SOX5: variants seen among roughly 807,000 people sequenced by gnomAD.
SOX5 encodes SRY-box transcription factor 5, also known as transcription factor SOX-5.
SOX5 carries 9 observed loss-of-function variants against 92.0 expected under a neutral mutation model. The observed-to-expected ratio is 0.10, with a 90% CI of 0.06 to 0.17. The LOEUF (loss-of-function observed/expected upper bound fraction) is 0.17, where lower values mean the gene tolerates loss of function less well. Ranked by LOEUF, SOX5 falls within the 10% of genes least tolerant of loss-of-function variation. The pLI is 1.00. For missense variants in SOX5, 642 were observed against 944.5 expected (o/e 0.68, Z 4.20); for synonymous variants, 344 against 336.3 (o/e 1.02, Z -0.25).
At chr12:24,214,262 G>C (rs1051183345) in intron 3 of SOX5, among the ~76,000 whole-genome samples, 21 of 151,990 alleles carry the variant, frequency 1.4e-4, no homozygotes, top group Non-Finnish European at 2.2e-4. Flanking sequence ...TCTATAAGTA[G>C]TCACTTTATC....
intron 9 of SOX5, among the ~76,000 whole-genome samples, chr12:23,600,270 T>G (rs376831359): frequency 2.0e-5 from 3 of 151,976 alleles, no homozygotes; most frequent in African/African-American, 7.2e-5. Context: ...GCCATAAACA[T>G]AGCTGTTAGG....
At chr12:23,989,197 A>G (rs1193579453) in intron 4 of SOX5, among the ~76,000 whole-genome samples, 1 of 136,942 alleles carries the variant, frequency 7.3e-6, no homozygotes, top group Non-Finnish European at 1.5e-5. Flanking sequence ...ACATGGCAAA[A>G]CCCTGTCTCT....
intron 3 of SOX5, among the ~76,000 whole-genome samples, chr12:23,779,814 T>TACACAC (rs1555337311): frequency 0.037 from 4,148 of 110,636 alleles, 125 homozygotes; most frequent in Admixed American, 0.064. Context: ...TATATATATA[T>TACACAC]ACACACACAC....
rs1942638575 is a variant in SOX5, at chr12:24,453,704, A to G, written c.-250-85065T>C. The stretch of plus-strand genomic sequence containing the variant: ...CACTCCTACATCCAGCAGCTAGGAA[A>G]GAGAGCCAATTTCTGGTAAATGGAT... On this transcript the variant is annotated intron_variant, in intron 1 of 4. Coordinates refer to the SOX5 transcript ENST00000446891. Among the ~76,000 whole-genome samples the G allele has an allele frequency of 3.9e-5, 6 of 152,340 alleles. No homozygotes were observed. In the South Asian group the frequency reaches 1.2e-3, roughly 32 times the overall value.
At chr12:23,701,099 T>G (rs2140205810) in intron 6 of SOX5, among the ~76,000 whole-genome samples, 1 of 152,130 alleles carries the variant, frequency 6.6e-6, no homozygotes, top group South Asian at 2.1e-4. Flanking sequence ...ACCAATAGAT[T>G]TTTGAATTAC....
intron 4 of SOX5, among the ~76,000 whole-genome samples, chr12:23,747,976 AC>A (rs1325047984): frequency 6.6e-6 from 1 of 151,050 alleles, no homozygotes; most frequent in African/African-American, 2.4e-5. Context: ...AAAAAAAAAA[AC>A]GAATACAATC....
intron 4 of SOX5, among the ~76,000 whole-genome samples, chr12:24,036,538 T>C (rs907154369): frequency 6.6e-6 from 1 of 152,186 alleles, no homozygotes; most frequent in Admixed American, 6.5e-5. Flanking sequence ...ATTATATTTT[T>C]ATGGAACTAA....
chr12:24,454,230 A>T (rs1942724488), intron 1 of SOX5, among the ~76,000 whole-genome samples: 1 of 152,224 alleles, frequency 6.6e-6, no homozygotes, highest in African/African-American at 2.4e-5. Context: ...GAGAGAATAG[A>T]GATTGTCTTG....
intron 3 of SOX5, among the ~76,000 whole-genome samples, chr12:23,828,811 A>G (rs1456195864): frequency 1.3e-5 from 2 of 152,142 alleles, no homozygotes; most frequent in Non-Finnish European, 2.9e-5. Flanking sequence ...CTAAGCCTCC[A>G]AAGTTGGTCA....
chr12:23,634,101 T>A (rs977884637), intron 8 of SOX5, among the ~76,000 whole-genome samples: 1 of 152,258 alleles, frequency 6.6e-6, no homozygotes, highest in South Asian at 2.1e-4. Flanking sequence ...CTGCTTTTTT[T>A]AATTAAAAAT....
At chr12:24,296,926 G>GAC (rs1227672744) in intron 2 of SOX5, among the ~76,000 whole-genome samples, 3 of 92,402 alleles carry the variant, frequency 3.2e-5, no homozygotes, top group African/African-American at 7.6e-5. Context: ...TACATAGACA[G>GAC]ACAGACACAC....
chr12:23,896,003 G>C lies in SOX5; in HGVS notation c.60C>G (p.Ala20=), dbSNP rs1428357336. ...EFERMSSKRP[A]SPYGEADGEV... ...CTCCATCTGCTTCCCCATACGGAGA[G>C]GCTGGTCGCTTGGAAGACATCCTGG... The change falls in exon 2 of 15, where the codon GCC becomes GCG. Residue 20 remains alanine (A), a synonymous_variant. Transcript: ENST00000451604. The C allele has an allele frequency of 1.2e-6, 2 of 1,613,554 alleles. No homozygotes were observed. Among genetic ancestry groups the C allele is most frequent in the African/African-American group, 2.7e-5 (2 of 74,900 alleles).
At chr12:23,700,309 T>C (rs2090450203) in intron 6 of SOX5, among the ~76,000 whole-genome samples, 1 of 152,160 alleles carries the variant, frequency 6.6e-6, no homozygotes, top group African/African-American at 2.4e-5. Flanking sequence ...CTAATGTTGC[T>C]GTAAGAATTT....
At chr12:24,094,509 T>A (rs191581785) in intron 4 of SOX5, among the ~76,000 whole-genome samples, 41 of 150,388 alleles carry the variant, frequency 2.7e-4, no homozygotes, top group Admixed American at 2.3e-3. Context: ...GTAGAAAATA[T>A]CATTTACAAA....
intron 1 of SOX5, among the ~76,000 whole-genome samples, chr12:23,931,217 T>G (rs957612858): frequency 2.6e-5 from 4 of 151,816 alleles, no homozygotes; most frequent in African/African-American, 9.7e-5. Flanking sequence ...TATTGACAAT[T>G]CATCATCAAG....
At chr12:24,243,757 A>C (rs1937978380) in intron 3 of SOX5, among the ~76,000 whole-genome samples, 1 of 152,144 alleles carries the variant, frequency 6.6e-6, no homozygotes, top group African/African-American at 2.4e-5. Context: ...TATTATAATG[A>C]TACAGACTGA....
intron 1 of SOX5, among the ~76,000 whole-genome samples, chr12:23,915,431 A>AT (rs2097403040): frequency 6.6e-6 from 1 of 152,134 alleles, no homozygotes; most frequent in Non-Finnish European, 1.5e-5. Flanking sequence ...TTACTTCTGA[A>AT]TTTAAAAAAT....
chr12:24,211,648 C>T (rs1172244492), intron 4 of SOX5, among the ~76,000 whole-genome samples: 1 of 152,144 alleles, frequency 6.6e-6, no homozygotes, highest in South Asian at 2.1e-4. Context: ...GATTTGTGTT[C>T]CATAACCTGT....
intron 4 of SOX5, among the ~76,000 whole-genome samples, chr12:24,073,906 C>T (rs958349105): frequency 3.9e-5 from 6 of 152,138 alleles, no homozygotes; most frequent in African/African-American, 1.2e-4. Context: ...CAGTTTTTGG[C>T]TATTTCATAA....
Sources: allele counts gnomAD v4.1 joint callset (sites outside exome capture counted in the v4.1 genomes callset), GRCh38; gene constraint gnomAD v4.1.1; transcripts MANE v1.5; gene names NCBI Gene and HGNC (gene_info 2026-07-23, HGNC 2026-07-21).